GAB2: variants seen among roughly 807,000 people sequenced by gnomAD.
The protein encoded by GAB2 is GRB2 associated binding protein 2.
GAB2 carries 26 observed loss-of-function variants against 65.5 expected under a neutral mutation model. The observed-to-expected ratio is 0.40, with a 90% CI of 0.29 to 0.55. GAB2 has a LOEUF of 0.55. GAB2 is among the 20% of genes least tolerant of loss of function. GAB2 has a pLI of 0.53. For missense variants in GAB2, 884 were observed against 875.8 expected (o/e 1.01, Z -0.12); for synonymous variants, 321 against 329.6 (o/e 0.97, Z 0.28).
At chr11:78,221,847 C>G in intron 7 of GAB2, 68 bp from the exon 8 acceptor site, 1 of 1,134,194 alleles carries the variant, frequency 8.8e-7, no homozygotes, top group South Asian at 1.3e-5. Context: ...TAGCCTCCAG[C>G]TGGGCCCTGA....
At chr11:78,416,475 C>A (rs1387201302) in intron 1 of GAB2, among the ~76,000 whole-genome samples, 1 of 152,234 alleles carries the variant, frequency 6.6e-6, no homozygotes, top group Non-Finnish European at 1.5e-5. Context: ...CATGGACAGC[C>A]ACTGGTGCAG....
chr11:78,398,773 A>C (rs943406590), intron 1 of GAB2, among the ~76,000 whole-genome samples: 2 of 152,238 alleles, frequency 1.3e-5, no homozygotes, highest in East Asian at 3.9e-4. Context: ...AGAAGAAACC[A>C]GGACTCTGAG....
chr11:78,246,080 C>T (rs541344202), intron 3 of GAB2, among the ~76,000 whole-genome samples: 61 of 151,862 alleles, frequency 4.0e-4, no homozygotes, highest in Non-Finnish European at 7.7e-4. Context: ...CAGGCGCCCA[C>T]CACCATGCCT....
intron 3 of GAB2, among the ~76,000 whole-genome samples, chr11:78,233,945 T>C (rs1370280658): frequency 6.6e-6 from 1 of 152,240 alleles, no homozygotes; most frequent in African/African-American, 2.4e-5. Flanking sequence ...CTTGAAGAAC[T>C]AGTTTTAATT....
At chr11:78,298,918 T>G (rs1273515331) in intron 1 of GAB2, among the ~76,000 whole-genome samples, 2 of 152,234 alleles carry the variant, frequency 1.3e-5, no homozygotes, top group Non-Finnish European at 2.9e-5. Context: ...TTTTACTTCT[T>G]TGCTTTAAAT....
At chr11:78,339,979 C>T (rs905220021) in intron 1 of GAB2, among the ~76,000 whole-genome samples, 11 of 152,246 alleles carry the variant, frequency 7.2e-5, no homozygotes, top group East Asian at 1.9e-4. Flanking sequence ...TTTTTGACTA[C>T]GGGTTGTTTT....
intron 2 of GAB2, among the ~76,000 whole-genome samples, chr11:78,261,663 A>G (rs1012292913): frequency 6.6e-6 from 1 of 152,096 alleles, no homozygotes; most frequent in Non-Finnish European, 1.5e-5. Context: ...TCATATTTGA[A>G]ATGAAGCACT....
intron 1 of GAB2, among the ~76,000 whole-genome samples, chr11:78,415,647 A>C (rs1857185812): frequency 6.6e-6 from 1 of 152,244 alleles, no homozygotes; most frequent in South Asian, 2.1e-4. Context: ...CTGACACCTG[A>C]TGGGCTGAAG....
chr11:78,379,072 G>A (rs183668268), intron 1 of GAB2, among the ~76,000 whole-genome samples: 2 of 152,286 alleles, frequency 1.3e-5, no homozygotes, highest in East Asian at 1.9e-4. Context: ...ATAAGTGTTC[G>A]TTACATACAA....
chr11:78,222,216 CT>C, intron 6 of GAB2, 21 bp from the exon 7 acceptor site: 1 of 1,539,454 alleles, frequency 6.5e-7, no homozygotes, highest in African/African-American at 1.4e-5. Flanking sequence ...AAAAGAAAGT[CT>C]GGTAATCAGC....
At chr11:78,225,237 G>C (rs1415270576) in intron 4 of GAB2, 35 bp from the exon 5 acceptor site, 2 of 1,377,212 alleles carry the variant, frequency 1.5e-6, no homozygotes, top group South Asian at 2.3e-5. Context: ...AGTACTCATG[G>C]TTGATTCATG....
At chr11:78,371,146 C>A (rs1003196133) in intron 1 of GAB2, among the ~76,000 whole-genome samples, 1 of 152,224 alleles carries the variant, frequency 6.6e-6, no homozygotes, top group Non-Finnish European at 1.5e-5. Context: ...CAGACAGAAC[C>A]AAGGGCATCT....
intron 3 of GAB2, among the ~76,000 whole-genome samples, chr11:78,231,336 G>GTGTGTGTGTGTGTGTGTGTGTGTGT (rs1554975133): frequency 1.4e-5 from 2 of 145,794 alleles, no homozygotes; most frequent in African/African-American, 5.2e-5. Context: ...GCGCGTGTGT[G>GTGTGTGTGTGTGTGTGTGTGTGTGT]GTGTGTGTGT....
intron 1 of GAB2, among the ~76,000 whole-genome samples, chr11:78,344,421 A>G (rs1000779346): frequency 1.3e-5 from 2 of 152,250 alleles, no homozygotes; most frequent in Non-Finnish European, 2.9e-5. Context: ...AAGACAAGGT[A>G]TAAATGCAAA....
rs191425629 is a variant in GAB2, at chr11:78,216,705, C to T, written c.*2567G>A. 8.5e-5 allele frequency: 13 copies of T among 152,382 alleles called. No homozygotes were observed. The highest frequency in any genetic ancestry group is 5.9e-4 in the Admixed American group (9 of 15,310). 9.4% of individuals were successfully genotyped at this position (152,382 alleles called of 1,614,324 possible). ...AGATTCCAGCCAGGTCCACTCACAT[C>T]ATGGCACACTCAGAACATGCTCACA... On this transcript the variant is annotated 3_prime_UTR_variant, in exon 10 of 10. Transcript: ENST00000361507.
intron 1 of GAB2, among the ~76,000 whole-genome samples, chr11:78,293,910 CTTTTTT>C (rs565761986): frequency 6.8e-6 from 1 of 146,522 alleles, no homozygotes; most frequent in Non-Finnish European, 1.5e-5. Flanking sequence ...AAATATGAGT[CTTTTTT>C]TATTTTTATT....
intron 1 of GAB2, among the ~76,000 whole-genome samples, chr11:78,329,352 C>T (rs1278909835): frequency 6.6e-6 from 1 of 151,914 alleles, no homozygotes; most frequent in Non-Finnish European, 1.5e-5. Context: ...TACAGATGGC[C>T]CTTTCATATT....
At chr11:78,307,915 A>C (rs1276732048) in intron 1 of GAB2, among the ~76,000 whole-genome samples, 3 of 152,158 alleles carry the variant, frequency 2.0e-5, no homozygotes, top group Non-Finnish European at 4.4e-5. Flanking sequence ...CATTTTAATC[A>C]GTGGACTGAG....
At chr11:78,272,487 G>T (rs1866042624) in intron 2 of GAB2, among the ~76,000 whole-genome samples, 1 of 152,182 alleles carries the variant, frequency 6.6e-6, no homozygotes, top group Non-Finnish European at 1.5e-5. Flanking sequence ...CTAGAGATTT[G>T]TGGAACTTTG....
Sources: allele counts gnomAD v4.1 joint callset (sites outside exome capture counted in the v4.1 genomes callset), GRCh38; gene constraint gnomAD v4.1.1; transcripts MANE v1.5; gene names NCBI Gene and HGNC (gene_info 2026-07-23, HGNC 2026-07-21).